The following GK5 variants were observed in gnomAD, a reference collection of about 807,000 sequenced individuals.
GK5 encodes the protein glycerol kinase 5, also known as ATP:glycerol 3-phosphotransferase 5.
A neutral mutation model predicts 77.3 loss-of-function variants in GK5; 39 were observed. The observed-to-expected ratio is 0.50, with a 90% CI of 0.39 to 0.66. GK5 has a LOEUF of 0.66. GK5 is among the 30% of genes least tolerant of loss of function. The probability of loss-of-function intolerance (pLI) is 0.00; values close to 1 mark genes in which losing one functional copy is unlikely to be tolerated. For missense variants in GK5, 487 were observed against 633.8 expected (o/e 0.77, Z 2.49); for synonymous variants, 211 against 208.0 (o/e 1.01, Z -0.13).
In GK5 at chr3:142,225,517, T is replaced by C. The variant is rs1031515289; in HGVS notation, c.-62A>G. On this transcript the variant is annotated 5_prime_UTR_variant, in exon 1 of 16. Transcript: ENST00000392993. ...CCAGAGGGCGCGCTACAAATCCCAA[T>C]GCTCCAGAGTCCCCGGGCGGCCCAA... The C allele has an allele frequency of 1.4e-5, 22 of 1,553,302 alleles. No individual in the cohort carries two copies. In the African/African-American group the frequency reaches 2.4e-4, roughly 17 times the overall value.
At chr3:142,186,877 C>T (rs928799302) in intron 6 of GK5, among the ~76,000 whole-genome samples, 1 of 151,998 alleles carries the variant, frequency 6.6e-6, no homozygotes, top group East Asian at 1.9e-4. Flanking sequence ...GTGATCCGCC[C>T]GCCTCAGCCT....
At chr3:142,188,483 G>A (rs955962156) in intron 5 of GK5, among the ~76,000 whole-genome samples, 3 of 152,270 alleles carry the variant, frequency 2.0e-5, no homozygotes, top group East Asian at 3.9e-4. Context: ...GCAGTGAGCC[G>A]AGACTGCACT....
intron 4 of GK5, among the ~76,000 whole-genome samples, chr3:142,199,965 AT>A (rs1003787376): frequency 6.6e-6 from 1 of 151,998 alleles, no homozygotes; most frequent in African/African-American, 2.4e-5. Context: ...AGTAATATAA[AT>A]TTTTTTCTTT....
intron 3 of GK5, among the ~76,000 whole-genome samples, chr3:142,212,829 C>CTTTTTTTTTTTCT (rs746328758): frequency 7.4e-5 from 3 of 40,354 alleles, no homozygotes; most frequent in African/African-American, 3.5e-4. Context: ...CAAATATTTT[C>CTTTTTTTTTTTCT]TTTTTTTTTT....
At chr3:142,186,016 AG>A in intron 8 of GK5, 27 bp from the exon 9 acceptor site, 1 of 1,531,556 alleles carries the variant, frequency 6.5e-7, no homozygotes, top group Non-Finnish European at 9.0e-7. Context: ...TTAAAAAGTT[AG>A]TTACAGCTCT....
intron 12 of GK5, among the ~76,000 whole-genome samples, chr3:142,175,884 G>A (rs1462967952): frequency 6.7e-6 from 1 of 149,570 alleles, no homozygotes; most frequent in East Asian, 1.9e-4. Context: ...ACAGGTATGT[G>A]AGGTGATAGA....
At chr3:142,218,623 T>C (rs2064304836) in intron 1 of GK5, among the ~76,000 whole-genome samples, 1 of 151,524 alleles carries the variant, frequency 6.6e-6, no homozygotes, top group Admixed American at 6.6e-5. Context: ...GATCTAAATG[T>C]AAAATGTAAA....
At chr3:142,198,738 C>G in intron 5 of GK5, 64 bp downstream of exon 5, 1 of 1,370,628 alleles carries the variant, frequency 7.3e-7, no homozygotes, top group African/African-American at 1.5e-5. Flanking sequence ...TTTTTCTTCC[C>G]CATAGTCTTT....
intron 5 of GK5, among the ~76,000 whole-genome samples, chr3:142,196,680 T>A (rs2063938109): frequency 6.6e-6 from 1 of 152,192 alleles, no homozygotes. Flanking sequence ...ACAACAGACT[T>A]CGTATAATTT....
intron 3 of GK5, among the ~76,000 whole-genome samples, chr3:142,210,579 T>C (rs1455177931): frequency 6.6e-6 from 1 of 152,172 alleles, no homozygotes; most frequent in African/African-American, 2.4e-5. Flanking sequence ...TTTCAGTTTC[T>C]ACAAGCAAAG....
intron 1 of GK5, among the ~76,000 whole-genome samples, chr3:142,223,393 C>A (rs2064381271): frequency 6.6e-6 from 1 of 152,186 alleles, no homozygotes; most frequent in African/African-American, 2.4e-5. Flanking sequence ...GTAATGAGTA[C>A]CCAGTCACTG....
rs978608468 is a variant in GK5 at position 142,225,296 on chromosome 3, G to A, written c.147+13C>T. ...CCAGTCAGACCCGCGCCCCACGCCC[G>A]CCCCCAAGTCACCTTCTGCACGCTG... On this transcript the variant is annotated intron_variant, in intron 1 of 15. Transcript: ENST00000392993. 2 of 1,526,734 alleles carry A rather than the reference G, an allele frequency of 1.3e-6. No homozygotes were observed. Among genetic ancestry groups the A allele is most frequent in the Non-Finnish European group, 1.8e-6 (2 of 1,136,702 alleles). The allele number at this position is 1,526,734 out of a possible 1,614,324, so 94.6% of individuals were successfully genotyped here. A position where few individuals can be genotyped will look rare whatever the true frequency, so the allele number is the denominator to read the frequency against.
Position 142,165,523 on chromosome 3 carries a change from T to G in GK5, c.*99A>C. 1.3e-6 allele frequency: 1 copy of G among 791,952 alleles called. No homozygotes were observed. The highest frequency in any genetic ancestry group is 1.9e-6 in the Non-Finnish European group (1 of 536,534). 49.1% of individuals were successfully genotyped at this position (791,952 alleles called of 1,614,324 possible). A position where few individuals can be genotyped will look rare whatever the true frequency, so the allele number is the denominator to read the frequency against. ...AAGTTATGAAGCTTATTTAAAATTTTCTCCTCTTAGTCATTGTCATATGGG... is the reference window on the plus strand; with the variant it reads ...AAGTTATGAAGCTTATTTAAAATTTGCTCCTCTTAGTCATTGTCATATGGG... On this transcript the variant is annotated 3_prime_UTR_variant, in exon 16 of 16. Transcript: ENST00000392993.
intron 3 of GK5, among the ~76,000 whole-genome samples, chr3:142,206,249 T>C (rs1189210488): frequency 6.6e-6 from 1 of 152,202 alleles, no homozygotes; most frequent in Non-Finnish European, 1.5e-5. Flanking sequence ...GTTTGAGTCT[T>C]TGTTTTCAAT....
chr3:142,207,238 T>A (rs947527978), intron 3 of GK5, among the ~76,000 whole-genome samples: 1 of 152,204 alleles, frequency 6.6e-6, no homozygotes, highest in Non-Finnish European at 1.5e-5. Context: ...GGGGGGTGCC[T>A]ATCCATATGG....
chr3:142,174,618 A>G (rs1185144833), intron 12 of GK5, among the ~76,000 whole-genome samples: 1 of 152,196 alleles, frequency 6.6e-6, no homozygotes, highest in Non-Finnish European at 1.5e-5. Context: ...AGTCACTCAC[A>G]AAACTAGAGA....
intron 6 of GK5, among the ~76,000 whole-genome samples, chr3:142,187,121 T>C (rs928280873): frequency 3.9e-5 from 6 of 152,174 alleles, no homozygotes; most frequent in African/African-American, 9.6e-5. Flanking sequence ...GGCAGATTTG[T>C]TACTGAACTT....
chr3:142,185,739 T>C, intron 9 of GK5, 190 bp downstream of exon 9: 1 of 1,545,446 alleles, frequency 6.5e-7, no homozygotes, highest in Non-Finnish European at 8.7e-7. Context: ...ACTGGCTCAA[T>C]GGTCCCCTTC....
At chr3:142,217,706 C>T (rs569842675) in intron 1 of GK5, among the ~76,000 whole-genome samples, 44 of 152,132 alleles carry the variant, frequency 2.9e-4, no homozygotes, top group Admixed American at 2.8e-3. Flanking sequence ...CATTACACAC[C>T]CAGATATCAT....
Sources: gnomAD v4.1 joint callset for allele counts (sites outside exome capture counted in the v4.1 genomes callset) on GRCh38, gnomAD v4.1.1 for gene constraint, MANE v1.5 for transcripts, NCBI Gene and HGNC (gene_info 2026-07-23, HGNC 2026-07-21) for gene names.